DPP10: variants seen among roughly 807,000 people sequenced by gnomAD.
The protein encoded by DPP10 is inactive dipeptidyl peptidase 10.
DPP10 carries 33 observed loss-of-function variants against 120.9 expected under a neutral mutation model. That is an observed-to-expected ratio of 0.27 (90% confidence interval 0.21 to 0.37). The LOEUF is 0.37. Ranked by LOEUF, DPP10 falls within the 10% of genes least tolerant of loss-of-function variation. DPP10 has a pLI of 1.00. For synonymous variants in DPP10, 337 were observed against 326.1 expected (o/e 1.03, Z -0.36); for missense variants, 816 against 942.8 (o/e 0.87, Z 1.76).
At chr2:115,775,828 A>T (rs1682032852) in intron 13 of DPP10, among the ~76,000 whole-genome samples, 1 of 152,148 alleles carries the variant, frequency 6.6e-6, no homozygotes, top group South Asian at 2.1e-4. Flanking sequence ...TTGAACAGAA[A>T]TGCAAAATTT....
chr2:114,759,285 A>G (rs1680067962), intron 1 of DPP10, among the ~76,000 whole-genome samples: 2 of 152,184 alleles, frequency 1.3e-5, no homozygotes, highest in Non-Finnish European at 2.9e-5. Flanking sequence ...GTCTGACTAA[A>G]CAGAGAACAG....
Position 115,015,707 on chromosome 2 carries a change from A to G in DPP10, c.61-293532A>G, listed in dbSNP as rs1350900454. Among the ~76,000 whole-genome samples the G allele has an allele frequency of 2.0e-5, 3 of 152,148 alleles. No homozygotes were observed. The East Asian group carries it at 5.8e-4, about 29-fold the overall frequency. On this transcript the variant is annotated intron_variant, in intron 1 of 25. Coordinates refer to ENST00000410059, the MANE Select transcript of DPP10 (RefSeq NM_020868.6). ...ACAAACAATCCTATACACCAATAAT[A>G]GACATACAGAGAGCCATATCACGAG...
chr2:115,797,970 C>G (rs866715806), intron 19 of DPP10, among the ~76,000 whole-genome samples: 1 of 141,078 alleles, frequency 7.1e-6, no homozygotes, highest in Non-Finnish European at 1.6e-5. Flanking sequence ...TATATATATA[C>G]ACACGTATAT....
intron 5 of DPP10, among the ~76,000 whole-genome samples, chr2:115,620,948 A>C (rs1045619072): frequency 1.3e-5 from 2 of 152,208 alleles, no homozygotes; most frequent in African/African-American, 4.8e-5. Flanking sequence ...ATATTTCCAA[A>C]TAACTCAAAT....
At chr2:114,544,793 T>G (rs1319167339) in intron 1 of DPP10, among the ~76,000 whole-genome samples, 1 of 152,172 alleles carries the variant, frequency 6.6e-6, no homozygotes, top group Non-Finnish European at 1.5e-5. Context: ...GATTAATTCA[T>G]AGATTGATTA....
intron 1 of DPP10, among the ~76,000 whole-genome samples, chr2:115,229,095 T>A (rs1345687548): frequency 6.6e-6 from 1 of 152,198 alleles, no homozygotes; most frequent in Non-Finnish European, 1.5e-5. Flanking sequence ...TGATATCTCA[T>A]TGTAGCTTTG....
chr2:114,656,617 C>T (rs1374541852), intron 1 of DPP10, among the ~76,000 whole-genome samples: 1 of 152,014 alleles, frequency 6.6e-6, no homozygotes, highest in Non-Finnish European at 1.5e-5. Context: ...ATTTTATGCA[C>T]AGTGTTGTGT....
chr2:115,638,314 C>G (rs925100313), intron 5 of DPP10, among the ~76,000 whole-genome samples: 1 of 152,144 alleles, frequency 6.6e-6, no homozygotes, highest in African/African-American at 2.4e-5. Flanking sequence ...TATGTGATTG[C>G]AGTCTGGAAG....
rs1690439303 is a variant in DPP10 at position 115,844,350 on chromosome 2, C to G, written c.*2005C>G. On this transcript the variant is annotated 3_prime_UTR_variant, in exon 26 of 26. Transcript: ENST00000410059. ...TGAGTATCATTTAAAAAGTATTTGC[C>G]TTTTACTGTCATCATTTCTCTTGTT... 6.6e-6 allele frequency: 1 copy of G among 152,308 alleles called. No homozygotes were observed. Among genetic ancestry groups the G allele is most frequent in the Non-Finnish European group, 1.5e-5 (1 of 67,958 alleles). 9.4% of individuals were successfully genotyped at this position (152,308 alleles called of 1,614,324 possible).
intron 1 of DPP10, among the ~76,000 whole-genome samples, chr2:114,950,831 T>C (rs2104640758): frequency 1.3e-5 from 2 of 152,280 alleles, no homozygotes; most frequent in Middle Eastern, 3.4e-3. Context: ...AAAAACAATA[T>C]ATGACAATGA....
At chr2:115,627,291 A>T (rs1027924329) in intron 5 of DPP10, among the ~76,000 whole-genome samples, 4 of 152,130 alleles carry the variant, frequency 2.6e-5, no homozygotes, top group Non-Finnish European at 4.4e-5. Context: ...CACTGGGCAG[A>T]TGAGATCACC....
intron 3 of DPP10, among the ~76,000 whole-genome samples, chr2:115,367,743 G>A (rs2065163359): frequency 6.6e-6 from 1 of 151,808 alleles, no homozygotes; most frequent in African/African-American, 2.4e-5. Context: ...ACATCTTTTT[G>A]TTATGTGTAT....
chr2:115,582,177 C>T (rs2082036887), intron 5 of DPP10, among the ~76,000 whole-genome samples: 1 of 152,090 alleles, frequency 6.6e-6, no homozygotes, highest in Non-Finnish European at 1.5e-5. Context: ...TTTCTTCTCC[C>T]CTGATTTTTC....
chr2:114,978,130 C>G (rs901967076), intron 1 of DPP10, among the ~76,000 whole-genome samples: 2 of 152,084 alleles, frequency 1.3e-5, no homozygotes, highest in African/African-American at 4.8e-5. Flanking sequence ...CAGTTTGGAT[C>G]GCTGTCCTGA....
chr2:115,521,297 C>T lies in DPP10; in HGVS notation c.367-4601C>T, dbSNP rs566655999. 1.6e-4 allele frequency among the ~76,000 whole-genome samples: 24 copies of T among 152,232 alleles called. No homozygotes were observed. The East Asian group carries it at 2.5e-3, about 16-fold the overall frequency. ...CTTTTCTTTAGAGGGCATGGATTTA[C>T]GTGGAACATAAACTTTCATCTATTA... On this transcript the variant is annotated intron_variant, in intron 4 of 25. Coordinates refer to ENST00000410059, the MANE Select transcript of DPP10 (RefSeq NM_020868.6).
intron 1 of DPP10, among the ~76,000 whole-genome samples, chr2:114,460,843 T>C (rs1055566692): frequency 1.3e-5 from 2 of 152,206 alleles, no homozygotes; most frequent in African/African-American, 4.8e-5. Flanking sequence ...TTTATGTCAA[T>C]TAAATGAGAG....
intron 5 of DPP10, among the ~76,000 whole-genome samples, chr2:115,542,325 G>A (rs1173263080): frequency 6.6e-6 from 1 of 151,882 alleles, no homozygotes; most frequent in African/African-American, 2.4e-5. Flanking sequence ...ACAGAATCAT[G>A]AAGTATATAA....
intron 1 of DPP10, among the ~76,000 whole-genome samples, chr2:115,005,006 G>C (rs4505539): frequency 0.98 from 148,387 of 151,986 alleles, 72,540 homozygotes; most frequent in Middle Eastern, 1. Flanking sequence ...TCTCCCAGTA[G>C]GCAGCTGGAG....
At chr2:115,551,636 T>A (rs1045252199) in intron 5 of DPP10, among the ~76,000 whole-genome samples, 1 of 152,188 alleles carries the variant, frequency 6.6e-6, no homozygotes, top group Non-Finnish European at 1.5e-5. Flanking sequence ...TCCAGTTTGA[T>A]CTTCTGCCTC....
Sources: allele counts gnomAD v4.1 joint callset (sites outside exome capture counted in the v4.1 genomes callset), GRCh38; gene constraint gnomAD v4.1.1; transcripts MANE v1.5; gene names NCBI Gene and HGNC (gene_info 2026-07-23, HGNC 2026-07-21).